Variants in NEK11 observed in about 807,000 individuals in gnomAD.
The protein encoded by NEK11 is NIMA related kinase 11.
In NEK11, 72 loss-of-function variants were observed where a neutral mutation model predicts 80.7. That is an observed-to-expected ratio of 0.89 (90% CI 0.74 to 1.08). The LOEUF (loss-of-function observed/expected upper bound fraction) is 1.08. Among genes scored for constraint, NEK11 ranks in the 50% least tolerant of loss-of-function variants. The pLI is 0.00. For missense variants in NEK11, 764 were observed against 763.6 expected (o/e 1.00, Z -0.01); for synonymous variants, 251 against 260.7 (o/e 0.96, Z 0.36).
chr3:131,185,981 TC>T (rs1475426952), intron 14 of NEK11, among the ~76,000 whole-genome samples: 31 of 152,270 alleles, frequency 2.0e-4, no homozygotes, highest in Non-Finnish European at 4.3e-4. Flanking sequence ...ATGGGAATAA[TC>T]ACACCCATTT....
intron 14 of NEK11, among the ~76,000 whole-genome samples, chr3:131,188,462 G>A (rs1409774005): frequency 6.6e-6 from 1 of 152,058 alleles, no homozygotes. Flanking sequence ...TATCTTATGT[G>A]GCTCTGTAGA....
chr3:131,117,337 C>G (rs2081427423), intron 5 of NEK11, among the ~76,000 whole-genome samples: 1 of 152,142 alleles, frequency 6.6e-6, no homozygotes, highest in Admixed American at 6.6e-5. Flanking sequence ...TGGTCTATAT[C>G]TCTGTTTTGG....
At chr3:131,331,980 G>A (rs1362527500) in intron 17 of NEK11, among the ~76,000 whole-genome samples, 1 of 152,206 alleles carries the variant, frequency 6.6e-6, no homozygotes, top group Non-Finnish European at 1.5e-5. Flanking sequence ...GCTGGGTGGA[G>A]CCCACCACAG....
chr3:131,040,637 G>T (rs2066340689), intron 3 of NEK11, among the ~76,000 whole-genome samples: 1 of 152,088 alleles, frequency 6.6e-6, no homozygotes, highest in African/African-American at 2.4e-5. Flanking sequence ...TTAATCTTGG[G>T]TTCATACCAG....
chr3:131,152,691 C>G lies in NEK11; in HGVS notation c.858C>G (p.Tyr286Ter), dbSNP rs771775294. The G allele has an allele frequency of 3.7e-6, 6 of 1,611,608 alleles. No homozygotes were observed. Among genetic ancestry groups the G allele is most frequent in the Non-Finnish European group, 4.2e-6 (5 of 1,178,150 alleles). ...PSAIEILKIP[Y>*]LDEQLQNLMC... The stretch of plus-strand genomic sequence containing the variant: ...CTATCGAAATTTTAAAAATCCCTTA[C>G]CTTGATGAGCAGCTACAGGTATTTA... Residue 286 changes from tyrosine to a stop codon, truncating the protein, a stop_gained, in exon 9 of 18, where the codon TAC becomes TAG. Coordinates refer to ENST00000383366, the MANE Select transcript of NEK11 (RefSeq NM_024800.5). LOFTEE classifies it high-confidence loss of function.
At chr3:131,086,437 GTTAT>G (rs2149092491) in intron 4 of NEK11, among the ~76,000 whole-genome samples, 1 of 152,174 alleles carries the variant, frequency 6.6e-6, no homozygotes, top group South Asian at 2.1e-4. Flanking sequence ...TATTTTTTCA[GTTAT>G]TTATTTATAT....
At chr3:131,275,885 C>T (rs2096282800) in intron 17 of NEK11, among the ~76,000 whole-genome samples, 1 of 152,106 alleles carries the variant, frequency 6.6e-6, no homozygotes, top group African/African-American at 2.4e-5. Flanking sequence ...AAATGCAAAA[C>T]GTTAAATGAC....
chr3:131,122,421 G>A (rs750405817), intron 5 of NEK11, among the ~76,000 whole-genome samples: 2 of 152,210 alleles, frequency 1.3e-5, no homozygotes, highest in African/African-American at 2.4e-5. Flanking sequence ...ATAGTTTGAG[G>A]AAGACCTGAC....
At chr3:131,337,731 A>G (rs1040724751) in intron 17 of NEK11, among the ~76,000 whole-genome samples, 1 of 152,142 alleles carries the variant, frequency 6.6e-6, no homozygotes, top group Non-Finnish European at 1.5e-5. Context: ...ACTGGCCTAC[A>G]GAACTGAGTG....
intron 4 of NEK11, among the ~76,000 whole-genome samples, chr3:131,091,786 T>G (rs904647090): frequency 6.6e-6 from 1 of 152,202 alleles, no homozygotes; most frequent in Non-Finnish European, 1.5e-5. Flanking sequence ...AAAGTTTATT[T>G]GAGCACACAC....
At chr3:131,336,151 G>C (rs558480695) in intron 17 of NEK11, among the ~76,000 whole-genome samples, 15 of 152,018 alleles carry the variant, frequency 9.9e-5, no homozygotes, top group Non-Finnish European at 2.1e-4. Context: ...AAAAGAGCCC[G>C]CATCACCAAG....
chr3:131,182,103 A>T (rs1448087401), intron 14 of NEK11, among the ~76,000 whole-genome samples: 1 of 151,148 alleles, frequency 6.6e-6, no homozygotes. Context: ...CACCTGTCAA[A>T]CTCTTTCATT....
intron 17 of NEK11, among the ~76,000 whole-genome samples, chr3:131,296,492 C>G (rs2096594513): frequency 6.6e-6 from 1 of 152,074 alleles, no homozygotes; most frequent in South Asian, 2.1e-4. Context: ...AGGCAGGTCT[C>G]CTAGCAACAA....
chr3:131,267,657 G>A (rs2096086856), intron 16 of NEK11, among the ~76,000 whole-genome samples: 1 of 151,850 alleles, frequency 6.6e-6, no homozygotes, highest in Non-Finnish European at 1.5e-5. Flanking sequence ...AGTCTGATGG[G>A]CTTCCCTTTG....
chr3:131,197,376 C>T (rs1039811991), intron 14 of NEK11, among the ~76,000 whole-genome samples: 2 of 152,040 alleles, frequency 1.3e-5, no homozygotes, highest in African/African-American at 4.8e-5. Flanking sequence ...CAGGGGTCTG[C>T]GGTAGATCTT....
intron 3 of NEK11, among the ~76,000 whole-genome samples, chr3:131,034,345 T>C (rs1012809544): frequency 2.6e-5 from 4 of 152,096 alleles, no homozygotes; most frequent in Non-Finnish European, 5.9e-5. Flanking sequence ...CTATGCAGAG[T>C]TGATTTTATG....
chr3:131,274,994 G>C (rs2096270401), intron 17 of NEK11, among the ~76,000 whole-genome samples: 1 of 152,194 alleles, frequency 6.6e-6, no homozygotes, highest in Non-Finnish European at 1.5e-5. Flanking sequence ...ACTGGTGTGA[G>C]ATGGTATCTC....
chr3:131,228,883 C>A (rs1444368447), intron 15 of NEK11, among the ~76,000 whole-genome samples, 195 bp downstream of exon 15: 3 of 151,948 alleles, frequency 2.0e-5, no homozygotes, highest in Admixed American at 6.6e-5. Context: ...AGAATCTGAT[C>A]TGGACCATGT....
intron 3 of NEK11, among the ~76,000 whole-genome samples, chr3:131,030,149 G>GA (rs1471812523): frequency 6.6e-6 from 1 of 151,876 alleles, no homozygotes; most frequent in Non-Finnish European, 1.5e-5. Flanking sequence ...TGAGGCACAA[G>GA]AATTGCTTAA....
Sources: gnomAD v4.1 joint callset for allele counts (sites outside exome capture counted in the v4.1 genomes callset) on GRCh38, gnomAD v4.1.1 for gene constraint, MANE v1.5 for transcripts, NCBI Gene and HGNC (gene_info 2026-07-23, HGNC 2026-07-21) for gene names.